FANCI: variants seen among roughly 807,000 people sequenced by gnomAD.
The protein encoded by FANCI is FA complementation group I, also known as Fanconi anemia group I protein.
FANCI carries 156 observed loss-of-function variants against 176.1 expected under a neutral mutation model. The ratio of observed to expected loss-of-function variants is 0.89; its 90% CI spans 0.78 to 1.01. The LOEUF is 1.01. Among genes scored for constraint, FANCI ranks in the 50% least tolerant of loss-of-function variants. FANCI has a pLI of 0.00. For synonymous variants in FANCI, 613 were observed against 541.7 expected, an observed-to-expected ratio of 1.13 and a Z score of -1.83; for missense variants, 1,678 against 1,534.1, an observed-to-expected ratio of 1.09 and a Z score of -1.57.
chr15:89,277,611 CAA>C (rs554395033), intron 13 of FANCI, among the ~76,000 whole-genome samples: 384 of 48,948 alleles, frequency 7.8e-3, no homozygotes, highest in African/African-American at 0.019. Flanking sequence ...GATCCTATCT[CAA>C]AAAAAAAAAA....
chr15:89,271,052 GTTGTTTTCTTT>G (rs914985230), intron 10 of FANCI, among the ~76,000 whole-genome samples: 18 of 151,912 alleles, frequency 1.2e-4, no homozygotes, highest in Non-Finnish European at 1.5e-5. Flanking sequence ...GATCCAGTCT[GTTGTTTTCTTT>G]TTGTTTTCCA....
intron 3 of FANCI, 103 bp from the exon 4 acceptor site, chr15:89,260,610 A>T: frequency 6.9e-6 from 10 of 1,452,778 alleles, no homozygotes; most frequent in East Asian, 2.4e-5. Flanking sequence ...CAGTCGTTTG[A>T]TAATTCTGTT....
chr15:89,299,169 CA>C (rs34417823), intron 24 of FANCI, among the ~76,000 whole-genome samples: 42,370 of 109,856 alleles, frequency 0.39, 6,653 homozygotes, highest in South Asian at 0.45. Context: ...GACTCTGTCT[CA>C]AAAAAAAAAA....
At chr15:89,304,681 C>A (rs1463543199) in intron 28 of FANCI, among the ~76,000 whole-genome samples, 1 of 152,120 alleles carries the variant, frequency 6.6e-6, no homozygotes, top group Non-Finnish European at 1.5e-5. Flanking sequence ...GGATGTTGTG[C>A]CTGAGACACG....
Position 89,285,158 on chromosome 15 carries a change from C to G in FANCI, c.1761C>G (p.Ile587Met), listed in dbSNP as rs544926608. ...SVANETFCLE[I>M]MDSLRRCLSQ... ...CCAATGAAACTTTTTGCCTTGAGAT[C>G]ATGGATAGTTTGAGGAGATGCTTAA... The change falls in exon 18 of 38, where the codon ATC (isoleucine) becomes ATG (methionine). Residue 587 changes from isoleucine to methionine, a missense_variant. Ile to Met is a conservative substitution (Grantham distance 10). This residue lies in a region of FANCI where 1,204 missense variants were observed against 1,077.4 expected (regional missense o/e 1.12). Transcript: ENST00000310775. 6.2e-7 allele frequency: 1 copy of G among 1,614,172 alleles called. No homozygotes were observed. The highest frequency in any genetic ancestry group is 2.2e-5 in the East Asian group (1 of 44,864).
At chr15:89,248,189 G>A (rs2052074641) in intron 2 of FANCI, among the ~76,000 whole-genome samples, 1 of 152,168 alleles carries the variant, frequency 6.6e-6, no homozygotes, top group African/African-American at 2.4e-5. Context: ...TTCACTATAA[G>A]TGTAGGATTA....
chr15:89,268,521 T>G lies in FANCI; in HGVS notation c.878T>G (p.Leu293Ter). Residue 293 changes from leucine (L) to a stop codon, truncating the protein, a stop_gained, in exon 10 of 38, where the codon TTA (leucine) becomes TGA (stop). Transcript: ENST00000310775. LOFTEE classifies it high-confidence loss of function. The part of the protein sequence containing the change: ...YELGRELVKH[L>*]KVGQQGDSNN... ...CTAGGCAGAGAACTCGTGAAACACTTAAAGGTAGCATCAAACTTGTAAGGT... is the reference window on the plus strand; with the variant it reads ...CTAGGCAGAGAACTCGTGAAACACTGAAAGGTAGCATCAAACTTGTAAGGT... 1 of 1,614,194 alleles carries G rather than the reference T, an allele frequency of 6.2e-7. No homozygotes were observed. The highest frequency in any genetic ancestry group is 8.5e-7 in the Non-Finnish European group (1 of 1,180,018).
At chr15:89,294,093 T>A in intron 23 of FANCI, 96 bp downstream of exon 23, 2 of 1,359,156 alleles carry the variant, frequency 1.5e-6, no homozygotes, top group Non-Finnish European at 2.1e-6. Flanking sequence ...TTGTTTACAG[T>A]AAGAAATAAG....
intron 12 of FANCI, 82 bp downstream of exon 12, chr15:89,274,386 G>A: frequency 6.6e-7 from 1 of 1,505,148 alleles, no homozygotes; most frequent in Non-Finnish European, 9.2e-7. Context: ...CTTGCAGCCT[G>A]TGAGGGGAAA....
At chr15:89,252,340 G>T (rs1436609747) in intron 2 of FANCI, among the ~76,000 whole-genome samples, 1 of 151,584 alleles carries the variant, frequency 6.6e-6, no homozygotes, top group East Asian at 1.9e-4. Flanking sequence ...TCTCTTTGTA[G>T]ATGGCATGAT....
intron 35 of FANCI, among the ~76,000 whole-genome samples, chr15:89,313,624 C>A (rs750369378): frequency 2.0e-5 from 3 of 152,114 alleles, no homozygotes; most frequent in Non-Finnish European, 2.9e-5. Flanking sequence ...ACAGCCTCTC[C>A]AGAGGCTTAG....
chr15:89,299,152 A>C (rs1367472147), intron 24 of FANCI, among the ~76,000 whole-genome samples: 1 of 149,480 alleles, frequency 6.7e-6, no homozygotes, highest in Non-Finnish European at 1.5e-5. Context: ...CCTGGGTGAC[A>C]GAGTGAGACT....
At position 89,261,896 on chromosome 15, in the gene FANCI, G is replaced by A. The variant is rs768357176; in HGVS notation, c.503+18G>A. 1 of 1,610,360 alleles carries A rather than the reference G, an allele frequency of 6.2e-7. No individual in the cohort carries two copies. ...TCTGGCAGGTGAGTCTTGTTAATAT[G>A]TATAACTTTCTTAGGAATACAAGTG... On this transcript the variant is annotated intron_variant, in intron 6 of 37. Coordinates refer to ENST00000310775, the MANE Select transcript of FANCI (RefSeq NM_001113378.2).
At chr15:89,255,233 G>C (rs1272102052) in intron 2 of FANCI, among the ~76,000 whole-genome samples, 1 of 152,082 alleles carries the variant, frequency 6.6e-6, no homozygotes, top group East Asian at 1.9e-4. Flanking sequence ...CTCATGATTG[G>C]ACCAATGTCT....
chr15:89,293,141 C>T, intron 22 of FANCI, 78 bp downstream of exon 22: 1 of 1,500,660 alleles, frequency 6.7e-7, no homozygotes, highest in Non-Finnish European at 9.2e-7. Flanking sequence ...TAGCAGTATT[C>T]TAGGCAGTAA....
chr15:89,294,244 T>A (rs898348393), intron 23 of FANCI, among the ~76,000 whole-genome samples: 1 of 152,064 alleles, frequency 6.6e-6, no homozygotes, highest in African/African-American at 2.4e-5. Context: ...CAGCAGGGTG[T>A]TTTAAGAAAA....
Position 89,294,925 on chromosome 15 carries a change from C to G in FANCI, c.2467C>G (p.Gln823Glu), listed in dbSNP as rs1173818227. 6.4e-7 allele frequency: 1 copy of G among 1,552,012 alleles called. No individual in the cohort carries two copies. The highest frequency in any genetic ancestry group is 2.4e-5 in the East Asian group (1 of 40,912). ...LLTALFRDSI[Q>E]SHQESLSVLR... Reference sequence around the variant, plus strand: ...TCTGTCTCTCTCTAGGGATAGTATCCAAAGCCACCAAGAAAGCCTTTCTGT... The same window carrying G: ...TCTGTCTCTCTCTAGGGATAGTATCGAAAGCCACCAAGAAAGCCTTTCTGT... The change falls in exon 24 of 38, where the codon CAA becomes GAA. Residue 823 changes from glutamine (Q) to glutamate (E), a missense_variant. By Grantham distance (29) the Gln-to-Glu change is conservative (BLOSUM62 2). Around this residue, in one of 3 missense-constraint regions of FANCI, gnomAD observed 1,204 missense variants for 1,077.4 expected, o/e 1.12. Transcript: ENST00000310775.
At chr15:89,288,886 C>T (rs1330748261) in intron 18 of FANCI, among the ~76,000 whole-genome samples, 1 of 152,048 alleles carries the variant, frequency 6.6e-6, no homozygotes, top group Non-Finnish European at 1.5e-5. Context: ...AGCGATCCTC[C>T]TGCCTCAGTC....
intron 20 of FANCI, 143 bp downstream of exon 20, chr15:89,291,857 T>C (rs1162471201): frequency 1.4e-6 from 1 of 707,060 alleles, no homozygotes; most frequent in Non-Finnish European, 2.5e-6. Flanking sequence ...TGCTTATCAT[T>C]TCTGAACCAT....
Sources: gnomAD v4.1 joint callset for allele counts (sites outside exome capture counted in the v4.1 genomes callset) on GRCh38, gnomAD v4.1.1 for gene constraint, gnomAD v4.1.1 regional missense constraint, MANE v1.5 for transcripts, NCBI Gene and HGNC (gene_info 2026-07-23, HGNC 2026-07-21) for gene names.